CHRNA7: variants seen among roughly 807,000 people sequenced by gnomAD.
CHRNA7 encodes the protein neuronal acetylcholine receptor subunit alpha-7.
CHRNA7 carries 17 observed loss-of-function variants against 48.0 expected under a neutral mutation model. The observed-to-expected ratio is 0.35, with a 90% CI of 0.24 to 0.53. CHRNA7 has a LOEUF of 0.53. Among genes scored for constraint, CHRNA7 ranks in the 20% least tolerant of loss-of-function variants. CHRNA7 has a pLI of 0.92. For synonymous variants in CHRNA7, 75 were observed against 242.3 expected (o/e 0.31, Z 6.41); for missense variants, 155 against 577.7 (o/e 0.27, Z 7.50).
chr15:32,093,653 C>CATTT (rs2050418864), intron 2 of CHRNA7, among the ~76,000 whole-genome samples: 1 of 152,176 alleles, frequency 6.6e-6, no homozygotes, highest in Non-Finnish European at 1.5e-5. Context: ...AACCCACCTG[C>CATTT]CTCTGTTCAC....
At chr15:32,099,421 T>C (rs1295411452) in intron 2 of CHRNA7, 1 of 152,182 alleles carries the variant, frequency 6.6e-6, no homozygotes, top group Non-Finnish European at 1.5e-5. Context: ...GGCTGCTGCT[T>C]GTTGATTACA....
At chr15:32,064,317 G>C (rs190142647) in intron 2 of CHRNA7, among the ~76,000 whole-genome samples, 18 of 150,990 alleles carry the variant, frequency 1.2e-4, no homozygotes, top group Admixed American at 2.0e-4. Context: ...CCTGCTCCTT[G>C]ATCCTTCTAC....
intron 2 of CHRNA7, among the ~76,000 whole-genome samples, chr15:32,059,974 A>AAAAAT (rs2049852601): frequency 4.9e-5 from 6 of 122,648 alleles, no homozygotes; most frequent in Admixed American, 2.6e-4. Flanking sequence ...AAAAAAAAAA[A>AAAAAT]GTGTTTTCAT....
intron 2 of CHRNA7, among the ~76,000 whole-genome samples, chr15:32,039,028 A>G (rs1215338623): frequency 6.6e-6 from 1 of 152,144 alleles, no homozygotes; most frequent in Non-Finnish European, 1.5e-5. Context: ...CATTTTATCT[A>G]GGTTATAAAA....
At chr15:32,057,708 C>T (rs2049809900) in intron 2 of CHRNA7, among the ~76,000 whole-genome samples, 1 of 152,022 alleles carries the variant, frequency 6.6e-6, no homozygotes, top group African/African-American at 2.4e-5. Context: ...TCATTTAGGA[C>T]AATATTTTAA....
At chr15:32,084,631 G>A (rs373223307) in intron 2 of CHRNA7, among the ~76,000 whole-genome samples, 1 of 152,228 alleles carries the variant, frequency 6.6e-6, no homozygotes, top group Admixed American at 6.5e-5. Flanking sequence ...TGAATCACCA[G>A]TGGTGGACAT....
intron 1 of CHRNA7, 38 bp downstream of exon 1, chr15:32,030,687 G>T: frequency 6.4e-7 from 1 of 1,556,254 alleles, no homozygotes; most frequent in Non-Finnish European, 8.7e-7. Flanking sequence ...CTCCTCCGTG[G>T]GATCCCGGGC....
At chr15:32,052,965 T>C (rs1263810815) in intron 2 of CHRNA7, among the ~76,000 whole-genome samples, 2 of 152,152 alleles carry the variant, frequency 1.3e-5, no homozygotes, top group African/African-American at 4.8e-5. Context: ...TGTCTGTGGG[T>C]ATCAAAATAT....
chr15:32,074,346 C>A (rs2050103240), intron 2 of CHRNA7, among the ~76,000 whole-genome samples: 1 of 145,138 alleles, frequency 6.9e-6, no homozygotes, highest in Non-Finnish European at 1.5e-5. Flanking sequence ...AAACTTCTAA[C>A]AGTATAACAT....
rs181070384 is a variant in CHRNA7, at chr15:32,119,728, G to A, written c.350+7829G>A. Among the ~76,000 whole-genome samples the A allele has an allele frequency of 9.6e-3, 1,457 of 152,148 alleles. 9 individuals carry two copies. Among genetic ancestry groups the A allele is most frequent in the Admixed American group, 0.021 (325 of 15,294 alleles). ...CAGAAGTTATTATCTGTTCTTTTCT[G>A]CTTGTACACTCCTCCCAGCCTGTGG... On this transcript the variant is annotated intron_variant, in intron 4 of 9. Transcript: ENST00000306901.
At chr15:32,167,111 G>A (rs1469653143) in intron 9 of CHRNA7, among the ~76,000 whole-genome samples, 5 of 143,260 alleles carry the variant, frequency 3.5e-5, no homozygotes, top group Admixed American at 2.8e-4. Flanking sequence ...TTAGGTTAGA[G>A]GTTCCGAAAC....
intron 4 of CHRNA7, among the ~76,000 whole-genome samples, chr15:32,124,848 T>A (rs181661977): frequency 6.6e-6 from 1 of 152,314 alleles, no homozygotes; most frequent in East Asian, 1.9e-4. Flanking sequence ...ACAAGGGCTT[T>A]CTTCCTGTCT....
At chr15:32,104,690 A>T (rs576463221) in intron 3 of CHRNA7, among the ~76,000 whole-genome samples, 261 of 152,112 alleles carry the variant, frequency 1.7e-3, no homozygotes, top group Non-Finnish European at 3.0e-3. Flanking sequence ...TGAAGCAAAA[A>T]CTCAAGGTGA....
Position 32,170,553 on chromosome 15 carries a change from A to G in CHRNA7, c.*2095A>G, listed in dbSNP as rs1371456144. ...CCTCCCACATTTTTGCTTTAAAAAG[A>G]AACCTTTTTGGTTTTGTATTTTATA... On this transcript the variant is annotated 3_prime_UTR_variant, in exon 10 of 10. Transcript: ENST00000306901. 6.7e-6 allele frequency: 1 copy of G among 149,052 alleles called. No homozygotes were observed. The highest frequency in any genetic ancestry group is 1.5e-5 in the Non-Finnish European group (1 of 67,302). The allele number at this position is 149,052 out of a possible 1,614,324, so 9.2% of individuals were successfully genotyped here.
At chr15:32,073,455 G>A (rs930109175) in intron 2 of CHRNA7, among the ~76,000 whole-genome samples, 1 of 152,212 alleles carries the variant, frequency 6.6e-6, no homozygotes, top group Admixed American at 6.5e-5. Context: ...TTTTGATTGA[G>A]TTAATGCTGG....
chr15:32,159,196 C>CG (rs1361293416), intron 7 of CHRNA7: 1 of 114,050 alleles, frequency 8.8e-6, no homozygotes, highest in African/African-American at 3.2e-5. Context: ...GAGTAGCAAA[C>CG]GTAAGACCTG....
intron 2 of CHRNA7, among the ~76,000 whole-genome samples, chr15:32,055,832 A>G (rs1446270660): frequency 6.6e-6 from 1 of 152,084 alleles, no homozygotes; most frequent in African/African-American, 2.4e-5. Context: ...ACAAAAAATT[A>G]GCCGGGCGTG....
intron 9 of CHRNA7, chr15:32,166,322 C>T (rs1404272790): frequency 6.6e-6 from 1 of 152,270 alleles, no homozygotes; most frequent in African/African-American, 2.4e-5. Flanking sequence ...CAAGGTTTCA[C>T]CTGGGGCCAT....
rs562449109 is a variant in CHRNA7 at position 32,128,447 on chromosome 15, T to G, written c.350+16548T>G. Reference sequence around the variant, plus strand: ...TCCCTCTTATTTCAATCTTCTATGATTTTTCCATCAGTATTTTGTAGTTTT... The same window carrying G: ...TCCCTCTTATTTCAATCTTCTATGAGTTTTCCATCAGTATTTTGTAGTTTT... On this transcript the variant is annotated intron_variant, in intron 4 of 9. Transcript: ENST00000306901. 8.9e-4 allele frequency among the ~76,000 whole-genome samples: 136 copies of G among 152,076 alleles called. 1 individual carries two copies. In the Middle Eastern group the frequency reaches 0.01, roughly 11 times the overall value.
Sources: gnomAD v4.1 joint callset for allele counts (sites outside exome capture counted in the v4.1 genomes callset) on GRCh38, gnomAD v4.1.1 for gene constraint, MANE v1.5 for transcripts, NCBI Gene and HGNC (gene_info 2026-07-23, HGNC 2026-07-21) for gene names.